Variants in PDE9A observed in about 807,000 individuals in gnomAD.
PDE9A encodes high affinity cGMP-specific 3',5'-cyclic phosphodiesterase 9A.
A neutral mutation model predicts 87.4 loss-of-function variants in PDE9A; 60 were observed. The ratio of observed to expected loss-of-function variants is 0.69; its 90% CI spans 0.56 to 0.85. PDE9A has a LOEUF of 0.85. Among genes scored for constraint, PDE9A ranks in the 40% least tolerant of loss-of-function variants. PDE9A has a pLI of 0.00. For missense variants in PDE9A, 665 were observed against 779.0 expected (o/e 0.85, Z 1.74); for synonymous variants, 272 against 279.4 (o/e 0.97, Z 0.27).
intron 1 of PDE9A, among the ~76,000 whole-genome samples, chr21:42,674,469 G>A (rs1191196714): frequency 1.3e-5 from 2 of 152,048 alleles, no homozygotes; most frequent in Non-Finnish European, 2.9e-5. Flanking sequence ...GTGACTCTCA[G>A]GATGGAAGAA....
chr21:42,725,514 C>T (rs1432859102), intron 4 of PDE9A, among the ~76,000 whole-genome samples: 2 of 152,176 alleles, frequency 1.3e-5, no homozygotes, highest in Non-Finnish European at 2.9e-5. Context: ...GCTGGGATTA[C>T]AGGCATGATC....
chr21:42,769,599 C>A (rs1194542893), intron 17 of PDE9A, among the ~76,000 whole-genome samples: 1 of 147,470 alleles, frequency 6.8e-6, no homozygotes. Context: ...CACACAGGCA[C>A]ACAAATGCAC....
At chr21:42,740,443 CAA>C (rs56151302) in intron 7 of PDE9A, among the ~76,000 whole-genome samples, 66 of 114,070 alleles carry the variant, frequency 5.8e-4, no homozygotes, top group Middle Eastern at 4.3e-3. Flanking sequence ...GCCCCTGTCT[CAA>C]AAAAAAAAAA....
rs116728252 is a variant in PDE9A, at chr21:42,659,013, G to T, written c.69+5130G>T. On this transcript the variant is annotated intron_variant, in intron 1 of 19. Transcript: ENST00000291539. The surrounding 1 kb of genome is among the most constrained non-coding windows in gnomAD (Gnocchi z 4.1). ...AATTGAAGCTGGGCTGTGAAAAGTA[G>T]TAAGAACCCTCGGTTTTTGGTTCCT... Among the ~76,000 whole-genome samples the T allele has an allele frequency of 6.6e-6, 1 of 152,174 alleles. No homozygotes were observed. The highest frequency in any genetic ancestry group is 1.5e-5 in the Non-Finnish European group (1 of 68,044).
At position 42,686,233 on chromosome 21, in the gene PDE9A, C is replaced by T. The variant is rs750655192; in HGVS notation, c.111C>T (p.Asp37=). ...ACTGCAACTCCAGCGACATCATGGA[C>T]CTGTTCTGCATCGCCACCGGCCTGC... The part of the protein sequence containing the change: ...SKYCNSSDIM[D]LFCIATGLPR... Residue 37 remains aspartate (D), a synonymous_variant, in exon 2 of 20, where the codon GAC becomes GAT. Transcript: ENST00000291539. 39 of 1,613,796 alleles carry T rather than the reference C, an allele frequency of 2.4e-5. No individual in the cohort carries two copies. Among genetic ancestry groups the T allele is most frequent in the Non-Finnish European group, 3.0e-5 (35 of 1,179,834 alleles).
chr21:42,664,337 C>G (rs555572520), intron 1 of PDE9A, among the ~76,000 whole-genome samples: 3 of 152,234 alleles, frequency 2.0e-5, no homozygotes, highest in Non-Finnish European at 2.9e-5. Flanking sequence ...GGACGTGCCA[C>G]CTGCAGGTGA....
In PDE9A at chr21:42,747,194, G is replaced by A. The variant is rs1174002343; in HGVS notation, c.653+3334G>A. 3.3e-5 allele frequency among the ~76,000 whole-genome samples: 5 copies of A among 152,066 alleles called. No homozygotes were observed. The East Asian group carries it at 9.6e-4, about 29-fold the overall frequency. ...TATTCGTGTTGTCCCTTTTGTCTTT[G>A]TCAACAGCAGAGTTACATCTTACTC... On this transcript the variant is annotated intron_variant, in intron 8 of 19. Coordinates refer to ENST00000291539, the MANE Select transcript of PDE9A (RefSeq NM_002606.3).
intron 1 of PDE9A, among the ~76,000 whole-genome samples, chr21:42,684,654 G>C (rs1374501730): frequency 6.6e-6 from 1 of 152,230 alleles, no homozygotes; most frequent in Non-Finnish European, 1.5e-5. Flanking sequence ...GGAGGATGTG[G>C]GGGAAATGGG....
intron 4 of PDE9A, among the ~76,000 whole-genome samples, chr21:42,719,794 C>A (rs1302958620): frequency 6.6e-6 from 1 of 152,062 alleles, no homozygotes. Context: ...TTCTTAATTT[C>A]TCTTGCTACA....
chr21:42,684,350 A>G (rs1602033229), intron 1 of PDE9A, among the ~76,000 whole-genome samples: 1 of 152,052 alleles, frequency 6.6e-6, no homozygotes, highest in Non-Finnish European at 1.5e-5. Flanking sequence ...AGGGGCCCAC[A>G]TGGGAACCGC....
chr21:42,718,679 C>T (rs569710971), intron 4 of PDE9A, among the ~76,000 whole-genome samples: 4 of 151,614 alleles, frequency 2.6e-5, no homozygotes, highest in African/African-American at 9.7e-5. Context: ...TTACTGACGC[C>T]GCTTTTGTTT....
At position 42,686,205 on chromosome 21, in the gene PDE9A, A is replaced by G. The variant is rs762935472; in HGVS notation, c.83A>G (p.Lys28Arg). 3.7e-6 allele frequency: 6 copies of G among 1,613,732 alleles called. No homozygotes were observed. The highest frequency in any genetic ancestry group is 2.2e-5 in the South Asian group (2 of 91,084). Residue 28 changes from lysine (K) to arginine (R), a missense_variant, in exon 2 of 20, where the codon AAG becomes AGG. Transcript: ENST00000291539. ...DGRIQKVIFS[K>R]YCNSSDIMDL... ...TCTGTTTTGCAGGTAATCTTCAGCAAGTACTGCAACTCCAGCGACATCATG... is the reference window on the plus strand; with the variant it reads ...TCTGTTTTGCAGGTAATCTTCAGCAGGTACTGCAACTCCAGCGACATCATG...
chr21:42,755,824 T>G (rs572519773), intron 10 of PDE9A, among the ~76,000 whole-genome samples: 1 of 152,282 alleles, frequency 6.6e-6, no homozygotes, highest in East Asian at 1.9e-4. Flanking sequence ...CCAAAGTCAT[T>G]TTGACCTCAG....
Position 42,759,332 on chromosome 21 carries a change from C to G in PDE9A, c.897+247C>G. 6.6e-6 allele frequency among the ~76,000 whole-genome samples: 1 copy of G among 152,106 alleles called. No homozygotes were observed. The highest frequency in any genetic ancestry group is 1.9e-4 in the East Asian group (1 of 5,196). ...CAAGGAGTAGCTTATCAGTGAGACT[C>G]TGCCATCATCAAGCAAAGCAGCATG... On this transcript the variant is annotated intron_variant, in intron 11 of 19. Coordinates refer to ENST00000291539, the MANE Select transcript of PDE9A (RefSeq NM_002606.3). This position sits in a 1 kb window ranked among gnomAD's most constrained non-coding sequence, Gnocchi z 7.2.
At position 42,681,922 on chromosome 21, in the gene PDE9A, C is replaced by T. The variant is rs142021709; in HGVS notation, c.70-4270C>T. On this transcript the variant is annotated intron_variant, in intron 1 of 19. Transcript: ENST00000291539. ...GTCAGGAAGCCCTATGGCCTCCTGA[C>T]GAGGCAGCCTAGGGGTCCTCCCGTG... is the stretch of plus-strand genomic sequence containing the variant. Among the ~76,000 whole-genome samples, 3 of 152,330 alleles carry T rather than the reference C, an allele frequency of 2.0e-5. No individual in the cohort carries two copies. In the South Asian group the frequency reaches 6.2e-4, roughly 32 times the overall value.
At chr21:42,761,180 A>T (rs1269243982) in intron 13 of PDE9A, among the ~76,000 whole-genome samples, 3 of 152,186 alleles carry the variant, frequency 2.0e-5, no homozygotes, top group Admixed American at 2.0e-4. Context: ...TGCACGGCAG[A>T]TCCCTGGCCC....
chr21:42,775,239 T>C, intron 19 of PDE9A, 41 bp from the exon 20 acceptor site: 1 of 1,609,686 alleles, frequency 6.2e-7, no homozygotes, highest in Non-Finnish European at 8.5e-7. Context: ...CGCGCCCTAA[T>C]TCTAACAAAA....
intron 4 of PDE9A, among the ~76,000 whole-genome samples, chr21:42,725,280 C>T (rs999797041): frequency 6.6e-6 from 1 of 152,050 alleles, no homozygotes; most frequent in Non-Finnish European, 1.5e-5. Flanking sequence ...TCTTGTTGCC[C>T]AGGCTGGAGT....
At chr21:42,768,443 C>A in intron 16 of PDE9A, 151 bp downstream of exon 16, 1 of 1,066,336 alleles carries the variant, frequency 9.4e-7, no homozygotes, top group Non-Finnish European at 1.3e-6. Context: ...GGTAAGCGTA[C>A]ATCAGAAACA....
Sources: gnomAD v4.1 joint callset for allele counts (sites outside exome capture counted in the v4.1 genomes callset) on GRCh38, gnomAD v4.1.1 for gene constraint, Gnocchi (gnomAD v3.1) non-coding constraint, MANE v1.5 for transcripts, NCBI Gene and HGNC (gene_info 2026-07-23, HGNC 2026-07-21) for gene names.